The following SH3PXD2B variants were observed in gnomAD, a reference collection of about 807,000 sequenced individuals.
The protein encoded by SH3PXD2B is SH3 and PX domain-containing protein 2B.
Under a neutral mutation model 73.1 loss-of-function variants are expected in SH3PXD2B, and 37 were observed. That is an observed-to-expected ratio of 0.51 (90% CI 0.39 to 0.67). The LOEUF is 0.67. Among genes scored for constraint, SH3PXD2B ranks in the 30% least tolerant of loss-of-function variants. The pLI, the probability that SH3PXD2B is intolerant of heterozygous loss-of-function variation, is 0.00. For synonymous variants in SH3PXD2B, 457 were observed against 480.5 expected (o/e 0.95, Z 0.64); for missense variants, 1,053 against 1,197.8 (o/e 0.88, Z 1.78).
chr5:172,395,275 G>A (rs962965284), intron 3 of SH3PXD2B, among the ~76,000 whole-genome samples: 3 of 152,196 alleles, frequency 2.0e-5, no homozygotes, highest in Non-Finnish European at 4.4e-5. Flanking sequence ...GGAACTGACT[G>A]CGTCTCAGTC....
At chr5:172,349,425 C>T (rs1002318242) in intron 10 of SH3PXD2B, among the ~76,000 whole-genome samples, 29 of 152,004 alleles carry the variant, frequency 1.9e-4, no homozygotes, top group African/African-American at 5.3e-4. Context: ...GTGACCAGGC[C>T]GACAACAGTA....
In SH3PXD2B at chr5:172,333,729, C is replaced by A. The variant is rs1260704677; in HGVS notation, c.*4640G>T. On this transcript the variant is annotated 3_prime_UTR_variant, in exon 13 of 13. Transcript: ENST00000311601. ...TAAGTGTGGGGATCTCCAGCGTCAT[C>A]CTATGAGCAGACACGAGGTGGTGGG... 1 of 1,289,350 alleles carries A rather than the reference C, an allele frequency of 7.8e-7. No homozygotes were observed. Among genetic ancestry groups the A allele is most frequent in the Non-Finnish European group, 1.0e-6 (1 of 988,850 alleles). 79.9% of individuals were successfully genotyped at this position (1,289,350 alleles called of 1,614,324 possible).
chr5:172,424,874 A>G (rs1759060159), intron 1 of SH3PXD2B, among the ~76,000 whole-genome samples: 1 of 152,186 alleles, frequency 6.6e-6, no homozygotes, highest in South Asian at 2.1e-4. Flanking sequence ...GAAAAAGTTC[A>G]TGAAACCTCA....
At chr5:172,442,066 G>A (rs985512223) in intron 1 of SH3PXD2B, among the ~76,000 whole-genome samples, 2 of 152,144 alleles carry the variant, frequency 1.3e-5, no homozygotes, top group South Asian at 2.1e-4. Flanking sequence ...ACAATTTACC[G>A]TAATCACTAA....
At chr5:172,326,860 T>C (rs1756454832) in intron 12 of SH3PXD2B, among the ~76,000 whole-genome samples, 1 of 149,452 alleles carries the variant, frequency 6.7e-6, no homozygotes, top group Admixed American at 6.7e-5. Flanking sequence ...TCTCAAGATT[T>C]TTTTTTTTTT....
At chr5:172,366,573 A>C (rs1757531306) in intron 6 of SH3PXD2B, among the ~76,000 whole-genome samples, 1 of 152,100 alleles carries the variant, frequency 6.6e-6, no homozygotes, top group Non-Finnish European at 1.5e-5. Flanking sequence ...TTAGCCTCCT[A>C]ACTGGTCCCT....
At chr5:172,374,544 T>C (rs1012643839) in intron 5 of SH3PXD2B, among the ~76,000 whole-genome samples, 2 of 152,188 alleles carry the variant, frequency 1.3e-5, no homozygotes, top group African/African-American at 4.8e-5. Context: ...TAGCTGGGCA[T>C]GATGGCACAT....
intron 1 of SH3PXD2B, among the ~76,000 whole-genome samples, chr5:172,452,295 TC>T (rs1759814202): frequency 6.6e-6 from 1 of 152,126 alleles, no homozygotes; most frequent in Admixed American, 6.5e-5. Context: ...GCTGAAAGCT[TC>T]AAAAGACGGT....
At chr5:172,382,853 T>C (rs1325123632) in intron 4 of SH3PXD2B, among the ~76,000 whole-genome samples, 1 of 151,916 alleles carries the variant, frequency 6.6e-6, no homozygotes, top group African/African-American at 2.4e-5. Context: ...CCTAGTCTCC[T>C]GAGTAGCTGG....
In SH3PXD2B at chr5:172,337,672, C is replaced by G; in HGVS notation, c.*697G>C. On this transcript the variant is annotated 3_prime_UTR_variant, in exon 13 of 13. Transcript: ENST00000311601. Reference sequence around the variant, plus strand: ...CTGCAGCAGCAAAGCGCAGCATACGCGGGGCTGGAACCACCCTTCAGGGCT... The same window carrying G: ...CTGCAGCAGCAAAGCGCAGCATACGGGGGGCTGGAACCACCCTTCAGGGCT... The G allele has an allele frequency of 7.1e-6, 7 of 987,430 alleles. No homozygotes were observed. Among genetic ancestry groups the G allele is most frequent in the Non-Finnish European group, 8.4e-6 (7 of 831,328 alleles). The allele number at this position is 987,430 out of a possible 1,614,324, so 61.2% of individuals were successfully genotyped here. A position where few individuals can be genotyped will look rare whatever the true frequency, so the allele number is the denominator to read the frequency against.
At chr5:172,409,818 C>T (rs541509559) in intron 2 of SH3PXD2B, among the ~76,000 whole-genome samples, 13 of 152,300 alleles carry the variant, frequency 8.5e-5, no homozygotes, top group African/African-American at 2.2e-4. Context: ...TGGGTTCAAG[C>T]GATTCTCCTG....
At chr5:172,392,315 A>T (rs1208418073) in intron 4 of SH3PXD2B, among the ~76,000 whole-genome samples, 2 of 152,226 alleles carry the variant, frequency 1.3e-5, no homozygotes, top group African/African-American at 4.8e-5. Flanking sequence ...CATTTCATCT[A>T]TAAACCAATG....
At chr5:172,392,255 G>A (rs1028918246) in intron 4 of SH3PXD2B, among the ~76,000 whole-genome samples, 1 of 152,158 alleles carries the variant, frequency 6.6e-6, no homozygotes, top group African/African-American at 2.4e-5. Context: ...CAGGAGATTA[G>A]GACATAGAAA....
intron 1 of SH3PXD2B, among the ~76,000 whole-genome samples, chr5:172,430,169 T>G (rs1321246430): frequency 6.6e-6 from 1 of 152,222 alleles, no homozygotes; most frequent in Non-Finnish European, 1.5e-5. Flanking sequence ...AAATGTTCCA[T>G]AAAGAGAAAC....
chr5:172,403,105 G>C (rs1458122669), intron 3 of SH3PXD2B, among the ~76,000 whole-genome samples: 1 of 152,274 alleles, frequency 6.6e-6, no homozygotes, highest in Non-Finnish European at 1.5e-5. Flanking sequence ...CTCAGGGAAG[G>C]AGGGTGAGCC....
In SH3PXD2B at chr5:172,366,932, A is replaced by ATTTTTTT. The variant is rs1262636786; in HGVS notation, c.428-4070_428-4064dup. ...TAGGTGTGAGCCATCGTGCCCGGCC[A>ATTTTTTT]TTTTTTTTTTTTTTTTTTTTTGGGG... On this transcript the variant is annotated intron_variant, in intron 6 of 12. Transcript: ENST00000311601. Among the ~76,000 whole-genome samples the ATTTTTTT allele has an allele frequency of 3.5e-4, 26 of 75,102 alleles. 2 individuals are homozygous for ATTTTTTT. Among genetic ancestry groups the ATTTTTTT allele is most frequent in the South Asian group, 1.7e-3 (3 of 1,788 alleles). The allele number at this position is 75,102 out of a possible 152,430, so 49.3% of individuals were successfully genotyped here.
chr5:172,429,066 A>G (rs977920633), intron 1 of SH3PXD2B, among the ~76,000 whole-genome samples: 6 of 152,232 alleles, frequency 3.9e-5, no homozygotes, highest in African/African-American at 1.4e-4. Context: ...TCACGCGAGC[A>G]AGGACCTGGC....
chr5:172,370,918 A>C (rs1757689717), intron 6 of SH3PXD2B, among the ~76,000 whole-genome samples: 1 of 152,236 alleles, frequency 6.6e-6, no homozygotes. Context: ...TGCGGCAGGC[A>C]ACTAAAGCTA....
Position 172,339,836 on chromosome 5 carries a change from G to A in SH3PXD2B, c.1269C>T (p.Asp423=), listed in dbSNP as rs760934581. 2 of 1,614,252 alleles carry A rather than the reference G, an allele frequency of 1.2e-6. No homozygotes were observed. The highest frequency in any genetic ancestry group is 2.2e-5 in the South Asian group (2 of 91,086). The stretch of plus-strand genomic sequence containing the variant: ...ACGCGTTGCTCGTCTTCTTGTACTT[G>A]TCAATGAAGGTGGCCGGGGCCCACC... ...KEGWAPATFI[D]KYKKTSNASR... is the part of the protein sequence containing the mutation. Residue 423 remains aspartate, a synonymous_variant, in exon 13 of 13, where the codon GAC becomes GAT. Transcript: ENST00000311601. This position sits in a 1 kb window ranked among gnomAD's most constrained non-coding sequence, Gnocchi z 6.1.
Sources: gnomAD v4.1 joint callset for allele counts (sites outside exome capture counted in the v4.1 genomes callset) on GRCh38, gnomAD v4.1.1 for gene constraint, Gnocchi (gnomAD v3.1) non-coding constraint, MANE v1.5 for transcripts, NCBI Gene and HGNC (gene_info 2026-07-23, HGNC 2026-07-21) for gene names.